Variants in SAMD5 observed in about 807,000 individuals in gnomAD.
SAMD5 encodes the protein sterile alpha motif domain containing 5, also known as sterile alpha motif domain-containing protein 5.
SAMD5 carries 13 observed loss-of-function variants against 11.3 expected under a neutral mutation model. The ratio of observed to expected loss-of-function variants is 1.15; its 90% confidence interval spans 0.75 to 1.83. SAMD5 has a LOEUF of 1.83. SAMD5 is among the 40% of genes most tolerant of loss of function. The pLI is 0.00. For missense variants in SAMD5, 255 were observed against 239.1 expected (o/e 1.07, Z -0.44); for synonymous variants, 129 against 111.3 (o/e 1.16, Z -1.00).
At chr6:147,913,885 G>T in the SAMD5 span, among the ~76,000 whole-genome samples, 1 of 152,188 alleles carries the variant, frequency 6.6e-6, no homozygotes, top group African/African-American at 2.4e-5. Flanking sequence ...GGGTGCATGT[G>T]CGTGCTTCCT....
At chr6:147,658,961 C>T (rs766390843) in intron 1 of SAMD5, among the ~76,000 whole-genome samples, 39 of 152,082 alleles carry the variant, frequency 2.6e-4, no homozygotes, top group Non-Finnish European at 4.3e-4. Context: ...GGTAATTATT[C>T]CAGAGCCTGA....
At chr6:147,740,035 A>C (rs934247718), downstream of SAMD5, among the ~76,000 whole-genome samples, 1 of 151,782 alleles carries the variant, frequency 6.6e-6, no homozygotes, top group African/African-American at 2.4e-5. Context: ...GGCCAGGCTG[A>C]TCTCTAACTC....
intron 1 of SAMD5, among the ~76,000 whole-genome samples, chr6:147,724,273 G>A (rs769248751): frequency 1.2e-4 from 19 of 152,204 alleles, no homozygotes; most frequent in Middle Eastern, 3.4e-3. Flanking sequence ...GACTACAGGC[G>A]CCTGCCACCA....
At position 147,564,337 on chromosome 6, in the gene SAMD5, T is replaced by A. The variant is rs959416471; in HGVS notation, c.460-57T>A. The A allele has an allele frequency of 9.1e-6, 7 of 772,902 alleles. No individual in the cohort carries two copies. In the African/African-American group the frequency reaches 1.2e-4, roughly 13 times the overall value. The allele number at this position is 772,902 out of a possible 1,614,324, so 47.9% of individuals were successfully genotyped here. On this transcript the variant is annotated intron_variant, in intron 1 of 1. Transcript: ENST00000367474. The stretch of plus-strand genomic sequence containing the variant: ...ATAGGAGCAGAAATCCATGATGGAC[T>A]AGGGGAAGAATGGGTAAAGGAGAAC...
At chr6:147,884,687 CTTTG>C in the SAMD5 span, among the ~76,000 whole-genome samples, 30 of 152,192 alleles carry the variant, frequency 2.0e-4, 1 homozygote, top group South Asian at 6.2e-3. Flanking sequence ...ATATAGGTGG[CTTTG>C]TTTGGCTAAT....
At chr6:147,895,270 T>C in the SAMD5 span, among the ~76,000 whole-genome samples, 1 of 152,120 alleles carries the variant, frequency 6.6e-6, no homozygotes, top group Middle Eastern at 3.4e-3. Context: ...ACATGATTTT[T>C]TTTTCCCCTG....
At chr6:147,899,042 G>A in the SAMD5 span, among the ~76,000 whole-genome samples, 4 of 151,688 alleles carry the variant, frequency 2.6e-5, no homozygotes, top group African/African-American at 4.8e-5. Context: ...TTAGCCAGGC[G>A]TGGTGGCAGG....
the SAMD5 span, among the ~76,000 whole-genome samples, chr6:147,906,025 C>G: frequency 2.6e-5 from 4 of 152,192 alleles, no homozygotes; most frequent in Admixed American, 2.6e-4. Flanking sequence ...GAATTAGTGG[C>G]CCTGGACAGT....
intron 1 of SAMD5, among the ~76,000 whole-genome samples, chr6:147,611,433 C>G (rs113500737): frequency 1.3e-5 from 2 of 151,776 alleles, no homozygotes; most frequent in Non-Finnish European, 2.9e-5. Flanking sequence ...CATGGTGGTG[C>G]GCGCCTGTAA....
At chr6:147,799,923 C>T in the SAMD5 span, among the ~76,000 whole-genome samples, 1 of 152,094 alleles carries the variant, frequency 6.6e-6, no homozygotes, top group Admixed American at 6.5e-5. Flanking sequence ...GCTCCATCAG[C>T]TCCTTTAAGC....
At chr6:147,728,327 A>G (rs2128459805) in intron 1 of SAMD5, among the ~76,000 whole-genome samples, 1 of 152,318 alleles carries the variant, frequency 6.6e-6, no homozygotes, top group East Asian at 1.9e-4. Flanking sequence ...CTGAGGCACG[A>G]GAATTGCTTG....
the SAMD5 span, among the ~76,000 whole-genome samples, chr6:147,851,067 C>T: frequency 6.6e-6 from 1 of 151,818 alleles, no homozygotes; most frequent in East Asian, 1.9e-4. Flanking sequence ...CTACCTCAGC[C>T]TCCCAAGTAG....
rs1789592685 is a variant in SAMD5 at position 147,600,053 on chromosome 6, G to C, written c.162+90666G>C. 2.0e-5 allele frequency among the ~76,000 whole-genome samples: 3 copies of C among 152,106 alleles called. No homozygotes were observed. In the South Asian group the frequency reaches 6.2e-4, roughly 32 times the overall value. On this transcript the variant is annotated intron_variant, in intron 1 of 1. Coordinates refer to the SAMD5 transcript ENST00000566741. ...TCTCCTGCTGCCTGTTTCTCCTGGA[G>C]CATTCTGGTTTGGGAGTGAGGGCCA...
chr6:147,810,253 A>C, the SAMD5 span, among the ~76,000 whole-genome samples: 1 of 152,172 alleles, frequency 6.6e-6, no homozygotes, highest in African/African-American at 2.4e-5. Context: ...TAGTATCAGT[A>C]TCTTTATCAT....
intron 1 of SAMD5, among the ~76,000 whole-genome samples, chr6:147,554,702 A>T (rs1788826638): frequency 6.6e-6 from 1 of 152,318 alleles, no homozygotes; most frequent in African/African-American, 2.4e-5. Flanking sequence ...GGACTGAGCC[A>T]GATGAGAGCC....
intron 1 of SAMD5, among the ~76,000 whole-genome samples, chr6:147,691,540 TTTAA>T (rs1203878835): frequency 6.6e-6 from 1 of 152,194 alleles, no homozygotes; most frequent in Non-Finnish European, 1.5e-5. Context: ...AAAATATGTA[TTTAA>T]CAAACTCTGG....
downstream of SAMD5, among the ~76,000 whole-genome samples, chr6:147,574,817 AC>A (rs1422070410): frequency 1.3e-5 from 2 of 152,108 alleles, no homozygotes; most frequent in Non-Finnish European, 2.9e-5. Flanking sequence ...CTCATGGCCT[AC>A]TCATATTTTA....
chr6:147,885,600 T>C, the SAMD5 span, among the ~76,000 whole-genome samples: 1 of 152,022 alleles, frequency 6.6e-6, no homozygotes, highest in East Asian at 1.9e-4. Context: ...GCAAAAAATT[T>C]AGAAGCAAGC....
intron 1 of SAMD5, among the ~76,000 whole-genome samples, chr6:147,667,291 T>G (rs992994865): frequency 6.6e-6 from 1 of 151,386 alleles, no homozygotes; most frequent in African/African-American, 2.4e-5. Flanking sequence ...CGTCAGCATC[T>G]TTTTTTTAAT....
Sources: gnomAD v4.1 joint callset for allele counts (sites outside exome capture counted in the v4.1 genomes callset) on GRCh38, gnomAD v4.1.1 for gene constraint, MANE v1.5 for transcripts, NCBI Gene and HGNC (gene_info 2026-07-23, HGNC 2026-07-21) for gene names.